TCF7L2: variants seen among roughly 807,000 people sequenced by gnomAD.
TCF7L2 encodes the protein transcription factor 7 like 2, also known as transcription factor 7-like 2.
In TCF7L2, 23 loss-of-function variants were observed where a neutral mutation model predicts 77.9. That is an observed-to-expected ratio of 0.30 (90% CI 0.21 to 0.42). TCF7L2 has a LOEUF of 0.42. TCF7L2 is among the 10% of genes least tolerant of loss of function. TCF7L2 has a pLI of 1.00. For missense variants in TCF7L2, 654 were observed against 793.1 expected, an observed-to-expected ratio of 0.82 and a Z score of 2.11; for synonymous variants, 413 against 340.2, an observed-to-expected ratio of 1.21 and a Z score of -2.36.
At chr10:112,985,923 C>T (rs1349631071) in intron 4 of TCF7L2, among the ~76,000 whole-genome samples, 3 of 151,310 alleles carry the variant, frequency 2.0e-5, no homozygotes, top group Non-Finnish European at 4.4e-5. Flanking sequence ...GTGCCATGGG[C>T]AGCCGCTACT....
rs551941156 is a variant in TCF7L2, at chr10:113,140,401, G to A, written c.553-783G>A. ...ACCCTTCCCAAACACAAAAATGCCT[G>A]TACTTTGTTTTTTAGAACTGCCCAT... On this transcript the variant is annotated intron_variant, in intron 5 of 13. Coordinates refer to ENST00000627217, the MANE Select transcript of TCF7L2 (RefSeq NM_001146274.2). Among the ~76,000 whole-genome samples the A allele has an allele frequency of 3.9e-5, 6 of 152,212 alleles. No individual in the cohort carries two copies. In the Middle Eastern group the frequency reaches 0.017, roughly 431 times the overall value.
intron 4 of TCF7L2, among the ~76,000 whole-genome samples, chr10:112,972,418 G>A (rs1303750683): frequency 6.6e-6 from 1 of 152,178 alleles, no homozygotes; most frequent in East Asian, 1.9e-4. Context: ...AATAATAGCT[G>A]CTTATGCTTA....
At chr10:113,040,232 A>G (rs920911695) in intron 5 of TCF7L2, 106 bp downstream of exon 5, 2 of 954,070 alleles carry the variant, frequency 2.1e-6, no homozygotes, top group African/African-American at 3.3e-5. Context: ...CTTTCTTTAA[A>G]CACATTTTCT....
At chr10:113,158,587 C>G in intron 12 of TCF7L2, 80 bp from the exon 13 acceptor site, 1 of 1,392,614 alleles carries the variant, frequency 7.2e-7, no homozygotes. Context: ...TCTCAGAGGT[C>G]CCTTGGAGAA....
intron 5 of TCF7L2, among the ~76,000 whole-genome samples, chr10:113,109,747 A>G (rs957506319): frequency 3.3e-5 from 5 of 152,210 alleles, no homozygotes; most frequent in Admixed American, 6.5e-5. Flanking sequence ...AAGCATCCTG[A>G]CATCTGGTGT....
chr10:113,101,835 T>C (rs1181608500), intron 5 of TCF7L2, among the ~76,000 whole-genome samples: 1 of 7,918 alleles, frequency 1.3e-4, no homozygotes, highest in Non-Finnish European at 2.1e-4. Flanking sequence ...AGAGCGAGAC[T>C]CCGTCTCAAA....
In TCF7L2 at chr10:112,950,538, C is replaced by T; in HGVS notation, c.-219C>T. On this transcript the variant is annotated 5_prime_UTR_variant, in exon 1 of 14. Transcript: ENST00000627217. The stretch of plus-strand genomic sequence containing the variant: ...GAACGAGAGAAAAAAGAAACCCAAA[C>T]TCACGCGTGCAGAAGATCTCCCCCC... 1 of 476,876 alleles carries T rather than the reference C, an allele frequency of 2.1e-6. No homozygotes were observed. The highest frequency in any genetic ancestry group is 3.1e-5 in the South Asian group (1 of 32,608). The allele number at this position is 476,876 out of a possible 1,614,324, so 29.5% of individuals were successfully genotyped here.
intron 5 of TCF7L2, among the ~76,000 whole-genome samples, chr10:113,045,324 G>A (rs1356218248): frequency 6.6e-6 from 1 of 152,188 alleles, no homozygotes; most frequent in Admixed American, 6.5e-5. Context: ...ACTAGGCCCA[G>A]GGAGGTGGGG....
chr10:113,138,887 T>C (rs557370805), intron 5 of TCF7L2, among the ~76,000 whole-genome samples: 174 of 152,136 alleles, frequency 1.1e-3, no homozygotes, highest in Non-Finnish European at 2.1e-3. Flanking sequence ...TTTCCTAGGA[T>C]TGGGGAATCT....
At chr10:112,976,578 G>T (rs2039465117) in intron 4 of TCF7L2, among the ~76,000 whole-genome samples, 2 of 152,164 alleles carry the variant, frequency 1.3e-5, no homozygotes, top group Admixed American at 6.5e-5. Flanking sequence ...GTACAACTAG[G>T]GGTGTGAATG....
chr10:113,027,931 G>A (rs1241162523), intron 4 of TCF7L2, among the ~76,000 whole-genome samples: 2 of 152,180 alleles, frequency 1.3e-5, no homozygotes, highest in East Asian at 3.9e-4. Flanking sequence ...GAGTGACTAG[G>A]ATTAGACCCG....
chr10:113,038,840 G>A (rs983400884), intron 4 of TCF7L2, among the ~76,000 whole-genome samples: 5 of 152,066 alleles, frequency 3.3e-5, no homozygotes, highest in African/African-American at 1.2e-4. Flanking sequence ...CCTAGTGCTT[G>A]TCACAGCCTG....
intron 5 of TCF7L2, among the ~76,000 whole-genome samples, chr10:113,132,433 C>T (rs890795828): frequency 3.9e-5 from 6 of 152,098 alleles, no homozygotes; most frequent in African/African-American, 1.4e-4. Flanking sequence ...CTTTAATTCC[C>T]CAGGATGTAA....
chr10:113,116,104 G>GCAAACA (rs2063699741), intron 5 of TCF7L2, among the ~76,000 whole-genome samples: 1 of 152,136 alleles, frequency 6.6e-6, no homozygotes, highest in Non-Finnish European at 1.5e-5. Flanking sequence ...ATGCAGAAAT[G>GCAAACA]TTTGTCTTAG....
chr10:112,966,184 T>TTA lies in TCF7L2; in HGVS notation c.450+1586_450+1587dup, dbSNP rs141060651. Among the ~76,000 whole-genome samples the TTA allele has an allele frequency of 3.1e-3, 353 of 114,214 alleles. 20 individuals are homozygous for TTA. Among genetic ancestry groups the TTA allele is most frequent in the South Asian group, 0.014 (55 of 3,842 alleles). 74.9% of individuals were successfully genotyped at this position (114,214 alleles called of 152,430 possible). ...GAGTGAGACTCTGTCTAAAATATAT[T>TTA]TATATATATATATATATATATATAT... is the stretch of plus-strand genomic sequence containing the variant. On this transcript the variant is annotated intron_variant, in intron 4 of 13. Transcript: ENST00000627217.
intron 5 of TCF7L2, among the ~76,000 whole-genome samples, chr10:113,139,040 C>T (rs1315430802): frequency 1.3e-5 from 2 of 152,194 alleles, no homozygotes; most frequent in Admixed American, 1.3e-4. Flanking sequence ...TTGATCAGTC[C>T]TTCCACCCCT....
chr10:113,116,119 A>C (rs1476900572), intron 5 of TCF7L2, among the ~76,000 whole-genome samples: 2 of 152,220 alleles, frequency 1.3e-5, no homozygotes, highest in African/African-American at 4.8e-5. Context: ...TCTTAGGAGC[A>C]GAAAAACTGG....
At chr10:112,964,697 C>T in intron 4 of TCF7L2, 73 bp downstream of exon 4, 1 of 1,247,774 alleles carries the variant, frequency 8.0e-7, no homozygotes, top group Non-Finnish European at 1.2e-6. Flanking sequence ...TTCTCCGCCC[C>T]TTCCCCCAAC....
intron 5 of TCF7L2, among the ~76,000 whole-genome samples, chr10:113,127,825 A>AG (rs34834214): frequency 7.1e-6 from 1 of 141,556 alleles, no homozygotes; most frequent in African/African-American, 2.6e-5. Context: ...TTTAAGGAAG[A>AG]GGGGGTCTGT....
Sources: allele counts gnomAD v4.1 joint callset (sites outside exome capture counted in the v4.1 genomes callset), GRCh38; gene constraint gnomAD v4.1.1; transcripts MANE v1.5; gene names NCBI Gene and HGNC (gene_info 2026-07-23, HGNC 2026-07-21).